The following GLDC variants were observed in gnomAD, a reference collection of about 807,000 sequenced individuals.
GLDC encodes the protein glycine decarboxylase.
A neutral mutation model predicts 121.3 loss-of-function variants in GLDC; 104 were observed. The ratio of observed to expected loss-of-function variants is 0.86; its 90% CI spans 0.73 to 1.01. GLDC has a LOEUF of 1.01. Among genes scored for constraint, GLDC ranks in the 50% least tolerant of loss-of-function variants. The pLI is 0.00. For synonymous variants in GLDC, 546 were observed against 480.6 expected (o/e 1.14, Z -1.78); for missense variants, 1,429 against 1,306.6 (o/e 1.09, Z -1.44).
chr9:6,604,278 C>CT (rs1371626513), intron 7 of GLDC, among the ~76,000 whole-genome samples: 3 of 152,300 alleles, frequency 2.0e-5, no homozygotes, highest in Non-Finnish European at 4.4e-5. Context: ...AGAACGAAAA[C>CT]TGTCGAGACA....
intron 2 of GLDC, among the ~76,000 whole-genome samples, chr9:6,629,955 A>ATTTTTT (rs1367658538): frequency 8.3e-5 from 7 of 84,432 alleles, no homozygotes; most frequent in South Asian, 4.0e-4. Context: ...GTATATATAT[A>ATTTTTT]TATTTTTTTT....
intron 15 of GLDC, among the ~76,000 whole-genome samples, chr9:6,586,663 T>C (rs1482924072): frequency 6.6e-6 from 1 of 152,200 alleles, no homozygotes; most frequent in Non-Finnish European, 1.5e-5. Context: ...CAGTCCGCAA[T>C]GAACGACATC....
intron 15 of GLDC, among the ~76,000 whole-genome samples, chr9:6,573,721 C>G (rs74938436): frequency 0.013 from 1,921 of 152,224 alleles, 27 homozygotes; most frequent in African/African-American, 0.044. Flanking sequence ...GAAACATCAG[C>G]TAAGAAACCG....
intron 2 of GLDC, among the ~76,000 whole-genome samples, chr9:6,641,506 G>C (rs1294662093): frequency 1.3e-5 from 2 of 152,198 alleles, no homozygotes; most frequent in Non-Finnish European, 2.9e-5. Flanking sequence ...CAAAGTAGTG[G>C]ATGGAGTGTG....
chr9:6,575,631 C>T (rs987299632), intron 15 of GLDC, among the ~76,000 whole-genome samples: 8 of 152,214 alleles, frequency 5.3e-5, no homozygotes, highest in Admixed American at 3.9e-4. Flanking sequence ...TGGCCACCTC[C>T]GTCTACATTA....
intron 18 of GLDC, 38 bp downstream of exon 18, chr9:6,556,115 C>G: frequency 1.9e-6 from 3 of 1,559,352 alleles, no homozygotes; most frequent in Non-Finnish European, 2.6e-6. Context: ...TATCCATTTT[C>G]TCAGTGGGAA....
chr9:6,602,921 A>G (rs1818646558), intron 7 of GLDC, among the ~76,000 whole-genome samples: 1 of 152,172 alleles, frequency 6.6e-6, no homozygotes, highest in African/African-American at 2.4e-5. Context: ...ATAATACAAC[A>G]ATTAAAAATC....
At chr9:6,599,108 C>A (rs1041325150) in intron 8 of GLDC, among the ~76,000 whole-genome samples, 1 of 150,702 alleles carries the variant, frequency 6.6e-6, no homozygotes, top group Non-Finnish European at 1.5e-5. Flanking sequence ...CGCTTGAACC[C>A]GGAAGACGGA....
chr9:6,611,536 A>G (rs994406691), intron 3 of GLDC, among the ~76,000 whole-genome samples: 1 of 146,548 alleles, frequency 6.8e-6, no homozygotes, highest in African/African-American at 2.5e-5. Context: ...AGCCTGGGCA[A>G]CAGAGCAAGA....
rs149600380 is a variant in GLDC at position 6,553,497 on chromosome 9, G to A, written c.2328C>T (p.Leu776=). 928 of 1,611,508 alleles carry A rather than the reference G, an allele frequency of 5.8e-4. 1 individual carries two copies. The highest frequency in any genetic ancestry group is 7.1e-4 in the Non-Finnish European group (836 of 1,178,912). The change falls in exon 20 of 25, where the codon CTC becomes CTT. Residue 776 remains leucine (L), a synonymous_variant. Transcript: ENST00000321612. Reference sequence around the variant, plus strand: ...CGGGATGATTGGGCAAAAACGGGGCGAGATGTTTCTTCCTGTATTTTTTTT... The same window carrying A: ...CGGGATGATTGGGCAAAAACGGGGCAAGATGTTTCTTCCTGTATTTTTTTT... ...GMGPIGVKKH[L]APFLPNHPVI...
At chr9:6,641,810 A>C (rs930166264) in intron 2 of GLDC, among the ~76,000 whole-genome samples, 1 of 152,234 alleles carries the variant, frequency 6.6e-6, no homozygotes, top group Non-Finnish European at 1.5e-5. Flanking sequence ...GAAGACATTT[A>C]ACACTCCTAT....
chr9:6,562,796 G>T (rs141474413), intron 16 of GLDC, among the ~76,000 whole-genome samples: 1 of 151,834 alleles, frequency 6.6e-6, no homozygotes, highest in Non-Finnish European at 1.5e-5. Context: ...CCTGACCTTA[G>T]GTGATCTGCC....
intron 2 of GLDC, among the ~76,000 whole-genome samples, chr9:6,636,175 A>G (rs559140791): frequency 2.0e-5 from 3 of 152,062 alleles, no homozygotes; most frequent in Non-Finnish European, 4.4e-5. Context: ...GTGATAGTTC[A>G]TGCCTGTAGT....
At chr9:6,584,350 G>A (rs2129821345) in intron 15 of GLDC, among the ~76,000 whole-genome samples, 1 of 152,328 alleles carries the variant, frequency 6.6e-6, no homozygotes, top group East Asian at 1.9e-4. Flanking sequence ...CAAGAAACCT[G>A]TGTTTCTTCT....
intron 2 of GLDC, among the ~76,000 whole-genome samples, chr9:6,642,050 T>A (rs1167605770): frequency 6.6e-6 from 1 of 152,200 alleles, no homozygotes; most frequent in Non-Finnish European, 1.5e-5. Flanking sequence ...TCAAAATTCA[T>A]CCTTTGCAGA....
At chr9:6,613,418 G>C (rs1454863365) in intron 3 of GLDC, among the ~76,000 whole-genome samples, 1 of 152,032 alleles carries the variant, frequency 6.6e-6, no homozygotes, top group Non-Finnish European at 1.5e-5. Flanking sequence ...CTTGCACCAG[G>C]AGTTCGAGAC....
In GLDC at chr9:6,592,880, T is replaced by A. The variant is rs932101631; in HGVS notation, c.1372A>T (p.Ile458Phe). The change falls in exon 10 of 25, where the codon ATC (isoleucine) becomes TTC (phenylalanine). Residue 458 changes from isoleucine (I) to phenylalanine (F), a missense_variant. Transcript: ENST00000321612. ...CCATCCTCAAAAAGCCGAAAATTGA[T>A]CTGCCGCTGAGCGGCCCTGCCCAAG... The part of the protein sequence containing the change: ...EVLGRAAQRQ[I>F]NFRLFEDGTL... 8 of 1,613,902 alleles carry A rather than the reference T, an allele frequency of 5.0e-6. No individual in the cohort carries two copies. The highest frequency in any genetic ancestry group is 6.8e-6 in the Non-Finnish European group (8 of 1,179,974).
In GLDC at chr9:6,533,294, A is replaced by C. The variant is rs1003413264; in HGVS notation, c.2920-134T>G. 3 of 796,950 alleles carry C rather than the reference A, an allele frequency of 3.8e-6. No homozygotes were observed. The African/African-American group carries it at 5.1e-5, about 14-fold the overall frequency. The allele number at this position is 796,950 out of a possible 1,614,324, so 49.4% of individuals were successfully genotyped here. Reference sequence around the variant, plus strand: ...AAATATTCTGAGAACCTAAAATCCAACCCTACATTACCATTTAAAAAAAAG... The same window carrying C: ...AAATATTCTGAGAACCTAAAATCCACCCCTACATTACCATTTAAAAAAAAG... On this transcript the variant is annotated intron_variant, in intron 24 of 24. Coordinates refer to ENST00000321612, the MANE Select transcript of GLDC (RefSeq NM_000170.3).
chr9:6,552,015 C>A (rs1309390209), intron 20 of GLDC, among the ~76,000 whole-genome samples: 1 of 152,050 alleles, frequency 6.6e-6, no homozygotes, highest in Non-Finnish European at 1.5e-5. Context: ...TGAAAGAATC[C>A]CCTAAGGATT....
Sources: allele counts gnomAD v4.1 joint callset (sites outside exome capture counted in the v4.1 genomes callset), GRCh38; gene constraint gnomAD v4.1.1; transcripts MANE v1.5; gene names NCBI Gene and HGNC (gene_info 2026-07-23, HGNC 2026-07-21).